MT1A: variants seen among roughly 807,000 people sequenced by gnomAD.
The protein encoded by MT1A is metallothionein-1A.
MT1A carries 6 observed loss-of-function variants against 5.5 expected under a neutral mutation model. That is an observed-to-expected ratio of 1.09 (90% CI 0.60 to 2.16). MT1A has a LOEUF of 2.16. Ranked by LOEUF, MT1A falls within the 30% of genes most tolerant of loss-of-function variation. The pLI is 0.00. For synonymous variants in MT1A, 23 were observed against 24.8 expected, an observed-to-expected ratio of 0.93 and a Z score of 0.21; for missense variants, 69 against 73.4, an observed-to-expected ratio of 0.94 and a Z score of 0.22.
chr16:56,638,846 T>G, intron 1 of MT1A, 80 bp downstream of exon 1: 1 of 1,549,830 alleles, frequency 6.5e-7, no homozygotes, highest in Non-Finnish European at 8.9e-7. Flanking sequence ...TAGAGGTGTT[T>G]TTTGAGTTCT....
chr16:56,638,845 T>C, intron 1 of MT1A, 79 bp downstream of exon 1: 2 of 1,557,656 alleles, frequency 1.3e-6, no homozygotes, highest in Non-Finnish European at 1.8e-6. Flanking sequence ...GTAGAGGTGT[T>C]TTTTGAGTTC....
At chr16:56,638,794 A>G in intron 1 of MT1A, 28 bp downstream of exon 1, 3 of 1,613,686 alleles carry the variant, frequency 1.9e-6, no homozygotes, top group Non-Finnish European at 2.5e-6. Flanking sequence ...TCTGGTCCTT[A>G]GGATACCTAT....
intron 1 of MT1A, 92 bp downstream of exon 1, chr16:56,638,858 G>A: frequency 6.9e-7 from 1 of 1,446,130 alleles, no homozygotes. Context: ...TTGAGTTCTA[G>A]CTAAGTGGAG....
chr16:56,639,989 C>A lies in MT1A; in HGVS notation c.*39C>A. ...CTGCTCGAAGATATAGAAAGAGTGA[C>A]CTGCACAAACTTGGAATTTTTTTTC... On this transcript the variant is annotated 3_prime_UTR_variant, in exon 3 of 3. Transcript: ENST00000290705. 1.2e-6 allele frequency: 2 copies of A among 1,609,764 alleles called. No homozygotes were observed. Among genetic ancestry groups the A allele is most frequent in the Non-Finnish European group, 1.7e-6 (2 of 1,177,714 alleles).
chr16:56,640,024 C>A lies in MT1A; in HGVS notation c.*74C>A. On this transcript the variant is annotated 3_prime_UTR_variant, in exon 3 of 3. Transcript: ENST00000290705. The stretch of plus-strand genomic sequence containing the variant: ...CTTGGAATTTTTTTTCCATACAACC[C>A]TGACCCATTTACTGTATTTTTTTTA... 6.4e-7 allele frequency: 1 copy of A among 1,558,426 alleles called. No individual in the cohort carries two copies.
Position 56,638,727 on chromosome 16 carries a change from C to T in MT1A, c.-12C>T. 6.2e-7 allele frequency: 1 copy of T among 1,614,220 alleles called. No homozygotes were observed. Among genetic ancestry groups the T allele is most frequent in the South Asian group, 1.1e-5 (1 of 91,084 alleles). On this transcript the variant is annotated 5_prime_UTR_variant, in exon 1 of 3. Coordinates refer to ENST00000290705, the MANE Select transcript of MT1A (RefSeq NM_005946.3). ...TTCTTGCTTGGGATCTCCAACCTCA[C>T]CGCGGCTCGAAATGGACCCCAACTG...
At position 56,640,038 on chromosome 16, in the gene MT1A, G is replaced by A. The variant is rs189145868; in HGVS notation, c.*88G>A. 4.4e-5 allele frequency: 65 copies of A among 1,491,034 alleles called. No individual in the cohort carries two copies. In the East Asian group the frequency reaches 1.4e-3, roughly 31 times the overall value. 92.4% of individuals were successfully genotyped at this position (1,491,034 alleles called of 1,614,324 possible). Reference sequence around the variant, plus strand: ...TCCATACAACCCTGACCCATTTACTGTATTTTTTTTAATGAAATATGTGAA... The same window carrying A: ...TCCATACAACCCTGACCCATTTACTATATTTTTTTTAATGAAATATGTGAA... On this transcript the variant is annotated 3_prime_UTR_variant, in exon 3 of 3. Coordinates refer to ENST00000290705, the MANE Select transcript of MT1A (RefSeq NM_005946.3).
chr16:56,640,029 C>A lies in MT1A; in HGVS notation c.*79C>A. 6.6e-7 allele frequency: 1 copy of A among 1,521,802 alleles called. No homozygotes were observed. Among genetic ancestry groups the A allele is most frequent in the Non-Finnish European group, 8.9e-7 (1 of 1,123,628 alleles). The allele number at this position is 1,521,802 out of a possible 1,614,324, so 94.3% of individuals were successfully genotyped here. On this transcript the variant is annotated 3_prime_UTR_variant, in exon 3 of 3. Transcript: ENST00000290705. ...AATTTTTTTTCCATACAACCCTGAC[C>A]CATTTACTGTATTTTTTTTAATGAA...
Position 56,638,704 on chromosome 16 carries a change from C to A in MT1A, c.-35C>A. The A allele has an allele frequency of 6.2e-7, 1 of 1,614,014 alleles. No individual in the cohort carries two copies. Among genetic ancestry groups the A allele is most frequent in the Non-Finnish European group, 8.5e-7 (1 of 1,179,876 alleles). On this transcript the variant is annotated 5_prime_UTR_variant, in exon 1 of 3. Transcript: ENST00000290705. ...CGTGCGCCTTATAGCCTCTCAACTT[C>A]TTGCTTGGGATCTCCAACCTCACCG...
At chr16:56,638,791 C>G (rs1168163443) in intron 1 of MT1A, 25 bp downstream of exon 1, 1 of 1,613,644 alleles carries the variant, frequency 6.2e-7, no homozygotes, top group African/African-American at 1.3e-5. Flanking sequence ...GTTTCTGGTC[C>G]TTAGGATACC....
intron 2 of MT1A, 26 bp from the exon 3 acceptor site, chr16:56,639,833 A>T: frequency 6.2e-7 from 1 of 1,613,754 alleles, no homozygotes; most frequent in African/African-American, 1.3e-5. Context: ...GTCTGGTCTG[A>T]CCTCTCACTC....
At position 56,639,993 on chromosome 16, in the gene MT1A, C is replaced by T. The variant is rs1483852311; in HGVS notation, c.*43C>T. On this transcript the variant is annotated 3_prime_UTR_variant, in exon 3 of 3. Coordinates refer to ENST00000290705, the MANE Select transcript of MT1A (RefSeq NM_005946.3). ...TCGAAGATATAGAAAGAGTGACCTG[C>T]ACAAACTTGGAATTTTTTTTCCATA... is the stretch of plus-strand genomic sequence containing the variant. 1 of 1,607,484 alleles carries T rather than the reference C, an allele frequency of 6.2e-7. No homozygotes were observed. The highest frequency in any genetic ancestry group is 1.7e-5 in the Admixed American group (1 of 58,874).
rs767359703 is a variant in MT1A, at chr16:56,639,295, A to G, written c.60A>G (p.Lys20=). The G allele has an allele frequency of 1.2e-6, 2 of 1,612,092 alleles. No individual in the cohort carries two copies. Among genetic ancestry groups the G allele is most frequent in the African/African-American group, 1.3e-5 (1 of 75,018 alleles). ...CCTGCACCTGCACTGGCTCCTGCAA[A>G]TGCAAAGAGTGCAAATGCACCTCCT... ...GGSCTCTGSC[K]CKECKCTSCK... is the part of the protein sequence containing the mutation. Residue 20 remains lysine (K), a synonymous_variant, in exon 2 of 3, where the codon AAA becomes AAG. Coordinates refer to ENST00000290705, the MANE Select transcript of MT1A (RefSeq NM_005946.3).
rs776240151 is a variant in MT1A at position 56,638,759 on chromosome 16, C to T, written c.21C>T (p.Cys7=). 4 of 1,614,034 alleles carry T rather than the reference C, an allele frequency of 2.5e-6. No individual in the cohort carries two copies. The East Asian group carries it at 6.7e-5, about 27-fold the overall frequency. MDPNCS[C]ATGGSCTCTG... ...TCGAAATGGACCCCAACTGCTCCTG[C>T]GCCACTGGTAAGGGATGCTAGGTTT... Residue 7 remains cysteine, a synonymous_variant, in exon 1 of 3, where the codon TGC becomes TGT. Coordinates refer to ENST00000290705, the MANE Select transcript of MT1A (RefSeq NM_005946.3).
At position 56,639,999 on chromosome 16, in the gene MT1A, C is replaced by A; in HGVS notation, c.*49C>A. On this transcript the variant is annotated 3_prime_UTR_variant, in exon 3 of 3. Coordinates refer to ENST00000290705, the MANE Select transcript of MT1A (RefSeq NM_005946.3). ...ATATAGAAAGAGTGACCTGCACAAACTTGGAATTTTTTTTCCATACAACCC... is the reference window on the plus strand; with the variant it reads ...ATATAGAAAGAGTGACCTGCACAAAATTGGAATTTTTTTTCCATACAACCC... 1 of 1,605,970 alleles carries A rather than the reference C, an allele frequency of 6.2e-7. No individual in the cohort carries two copies. The highest frequency in any genetic ancestry group is 8.5e-7 in the Non-Finnish European group (1 of 1,175,418).
intron 2 of MT1A, 81 bp downstream of exon 2, chr16:56,639,410 G>C: frequency 6.9e-7 from 1 of 1,457,106 alleles, no homozygotes; most frequent in South Asian, 1.1e-5. Context: ...GGAGGAGTAG[G>C]CCAATGATCC....
In MT1A at chr16:56,640,009, T is replaced by C; in HGVS notation, c.*59T>C. On this transcript the variant is annotated 3_prime_UTR_variant, in exon 3 of 3. Transcript: ENST00000290705. The stretch of plus-strand genomic sequence containing the variant: ...AGTGACCTGCACAAACTTGGAATTT[T>C]TTTTCCATACAACCCTGACCCATTT... 6.2e-7 allele frequency: 1 copy of C among 1,601,806 alleles called. No individual in the cohort carries two copies. The highest frequency in any genetic ancestry group is 8.5e-7 in the Non-Finnish European group (1 of 1,172,140).
intron 2 of MT1A, 25 bp downstream of exon 2, chr16:56,639,354 A>G (rs1160213507): frequency 1.9e-6 from 3 of 1,608,816 alleles, no homozygotes; most frequent in Admixed American, 3.3e-5. Context: ...ATCTCCAGGA[A>G]TCTGGGGCTG....
chr16:56,639,444 C>A, intron 2 of MT1A, 115 bp downstream of exon 2: 1 of 1,252,222 alleles, frequency 8.0e-7, no homozygotes, highest in Non-Finnish European at 1.2e-6. Context: ...CCTTCCCCAG[C>A]AACTGATTCA....
Sources: allele counts gnomAD v4.1 joint callset, GRCh38; gene constraint gnomAD v4.1.1; transcripts MANE v1.5; gene names NCBI Gene and HGNC (gene_info 2026-07-23, HGNC 2026-07-21).